Variants in SLC2A12 observed in about 807,000 individuals in gnomAD.
SLC2A12 encodes the protein solute carrier family 2, facilitated glucose transporter member 12.
Under a neutral mutation model 41.8 loss-of-function variants are expected in SLC2A12, and 23 were observed. The observed-to-expected ratio is 0.55, with a 90% confidence interval of 0.40 to 0.78. SLC2A12 has a LOEUF of 0.78. Among genes scored for constraint, SLC2A12 ranks in the 30% least tolerant of loss-of-function variants. SLC2A12 has a pLI of 0.00. For missense variants in SLC2A12, 654 were observed against 745.6 expected (o/e 0.88, Z 1.43); for synonymous variants, 295 against 285.9 (o/e 1.03, Z -0.32).
chr6:134,045,360 AG>A (rs769690663), intron 1 of SLC2A12, among the ~76,000 whole-genome samples: 15 of 152,204 alleles, frequency 9.9e-5, no homozygotes, highest in Non-Finnish European at 1.8e-4. Context: ...TAGGAAAGTA[AG>A]GTTCAGATCA....
intron 2 of SLC2A12, among the ~76,000 whole-genome samples, chr6:134,011,352 T>C (rs1776879038): frequency 6.6e-6 from 1 of 152,062 alleles, no homozygotes; most frequent in Admixed American, 6.6e-5. Context: ...CCAGGTGTGA[T>C]GGTTCACTCC....
intron 1 of SLC2A12, among the ~76,000 whole-genome samples, chr6:134,031,953 T>G (rs1385261452): frequency 6.6e-6 from 1 of 152,132 alleles, no homozygotes; most frequent in Admixed American, 6.5e-5. Flanking sequence ...AGAAGACTAG[T>G]GCCAGCAAAG....
In SLC2A12 at chr6:133,991,016, CT is replaced by C; in HGVS notation, c.*138del. On this transcript the variant is annotated 3_prime_UTR_variant, in exon 5 of 5. Transcript: ENST00000275230. ...GGGGAGGAGGGGGATTAAAGGCTGTCTTTATCATTTCAGAGTGTCTCTTCAA... is the reference window on the plus strand; with the variant it reads ...GGGGAGGAGGGGGATTAAAGGCTGTCTTATCATTTCAGAGTGTCTCTTCAA... 9.8e-7 allele frequency: 1 copy of C among 1,017,908 alleles called. No individual in the cohort carries two copies. The highest frequency in any genetic ancestry group is 1.6e-5 in the African/African-American group (1 of 61,390). The allele number at this position is 1,017,908 out of a possible 1,614,324, so 63.1% of individuals were successfully genotyped here.
Position 134,028,511 on chromosome 6 carries a change from T to C in SLC2A12, c.1314A>G (p.Leu438=). 1.9e-6 allele frequency: 3 copies of C among 1,614,228 alleles called. No individual in the cohort carries two copies. Among genetic ancestry groups the C allele is most frequent in the Non-Finnish European group, 2.5e-6 (3 of 1,180,034 alleles). ...KRGETTSASL[L]NAGLSHTEYQ... is the part of the protein sequence containing the mutation. ...ATTCAGTGTGGCTTAATCCAGCATT[T>C]AGCAAGGATGCTGAGGTCGTCTCCC... The change falls in exon 2 of 5, where the codon CTA becomes CTG. Residue 438 remains leucine (L), a synonymous_variant. Transcript: ENST00000275230.
At chr6:134,016,346 G>A (rs1045784191) in intron 2 of SLC2A12, among the ~76,000 whole-genome samples, 1 of 152,006 alleles carries the variant, frequency 6.6e-6, no homozygotes, top group Non-Finnish European at 1.5e-5. Context: ...CATCCGGGTA[G>A]CTTACTCTCT....
intron 1 of SLC2A12, among the ~76,000 whole-genome samples, chr6:134,035,996 C>T (rs1466482250): frequency 1.3e-5 from 2 of 152,322 alleles, no homozygotes; most frequent in East Asian, 1.9e-4. Context: ...GTAGCTGGCA[C>T]TCAACACGAA....
intron 1 of SLC2A12, among the ~76,000 whole-genome samples, chr6:134,033,435 G>A (rs942292608): frequency 6.6e-6 from 1 of 151,954 alleles, no homozygotes; most frequent in African/African-American, 2.4e-5. Flanking sequence ...TTCACATTTG[G>A]ATAAGAATAT....
chr6:134,012,095 A>G (rs1776894216), intron 2 of SLC2A12, among the ~76,000 whole-genome samples: 1 of 152,130 alleles, frequency 6.6e-6, no homozygotes, highest in Non-Finnish European at 1.5e-5. Flanking sequence ...AGCATCCCCA[A>G]CATTGGCAGT....
At chr6:134,007,144 G>C (rs1451975805) in intron 2 of SLC2A12, among the ~76,000 whole-genome samples, 1 of 152,244 alleles carries the variant, frequency 6.6e-6, no homozygotes, top group Non-Finnish European at 1.5e-5. Context: ...AGAAACATTA[G>C]GAGAGCTGGG....
chr6:134,040,192 C>A (rs985632413), intron 1 of SLC2A12, among the ~76,000 whole-genome samples: 2 of 151,974 alleles, frequency 1.3e-5, no homozygotes, highest in African/African-American at 2.4e-5. Flanking sequence ...GATCCTCCCA[C>A]CTCAGCCTTC....
At chr6:134,048,538 C>G (rs1319099354) in intron 1 of SLC2A12, among the ~76,000 whole-genome samples, 1 of 152,124 alleles carries the variant, frequency 6.6e-6, no homozygotes, top group Non-Finnish European at 1.5e-5. Flanking sequence ...CATCTTACTC[C>G]AGCCTAGGTG....
At chr6:134,039,099 A>G (rs569433583) in intron 1 of SLC2A12, among the ~76,000 whole-genome samples, 189 of 152,292 alleles carry the variant, frequency 1.2e-3, no homozygotes, top group African/African-American at 4.4e-3. Flanking sequence ...TTCTTTTTCC[A>G]TTCAGGAAAG....
At chr6:134,045,648 C>A (rs1370768296) in intron 1 of SLC2A12, among the ~76,000 whole-genome samples, 1 of 152,146 alleles carries the variant, frequency 6.6e-6, no homozygotes. Flanking sequence ...AGCTGTTGTT[C>A]TTAGCCTCAG....
intron 1 of SLC2A12, among the ~76,000 whole-genome samples, chr6:134,042,510 G>A (rs1777396117): frequency 1.4e-5 from 2 of 145,578 alleles, no homozygotes; most frequent in Non-Finnish European, 3.0e-5. Flanking sequence ...CAGAGAAAGA[G>A]AAAGAGAGAA....
intron 1 of SLC2A12, among the ~76,000 whole-genome samples, chr6:134,041,648 T>C (rs1777382719): frequency 6.6e-6 from 1 of 152,164 alleles, no homozygotes; most frequent in African/African-American, 2.4e-5. Context: ...AGGTTCCATC[T>C]CTGTCAAATG....
At chr6:134,015,366 C>T (rs774295661) in intron 2 of SLC2A12, among the ~76,000 whole-genome samples, 5 of 152,170 alleles carry the variant, frequency 3.3e-5, no homozygotes, top group Middle Eastern at 3.4e-3. Flanking sequence ...GGATGCTGGG[C>T]TTAATACCTA....
chr6:134,028,939 T>C lies in SLC2A12; in HGVS notation c.886A>G (p.Asn296Asp), dbSNP rs1473543104. ...VFFVQITGQP[N>D]ILFYASTVLK... ...ACAGTTGATGCATAGAACAATATGT[T>C]TGGTTGGCCAGTGATTTGTACAAAA... The change falls in exon 2 of 5, where the codon AAC becomes GAC. Residue 296 changes from asparagine (N) to aspartate (D), a missense_variant. Asn to Asp is a conservative substitution (Grantham distance 23). Coordinates refer to ENST00000275230, the MANE Select transcript of SLC2A12 (RefSeq NM_145176.3). 4 of 1,614,096 alleles carry C rather than the reference T, an allele frequency of 2.5e-6. No homozygotes were observed. Among genetic ancestry groups the C allele is most frequent in the Non-Finnish European group, 3.4e-6 (4 of 1,180,030 alleles).
In SLC2A12 at chr6:134,022,717, G is replaced by A. The variant is rs575738786; in HGVS notation, c.1444+5664C>T. ...AAACATTGATGACATGAGGAAAATG[G>A]TATTTAAGGAATACTGGTGTGAAAG... On this transcript the variant is annotated intron_variant, in intron 2 of 4. Transcript: ENST00000275230. Among the ~76,000 whole-genome samples the A allele has an allele frequency of 4.6e-5, 7 of 152,314 alleles. No individual in the cohort carries two copies. The East Asian group carries it at 1.4e-3, about 29-fold the overall frequency.
At chr6:134,042,924 G>T (rs902270759) in intron 1 of SLC2A12, among the ~76,000 whole-genome samples, 2 of 151,986 alleles carry the variant, frequency 1.3e-5, no homozygotes, top group Admixed American at 1.3e-4. Flanking sequence ...CTGTGATTCT[G>T]CCACTGCACC....
Sources: allele counts gnomAD v4.1 joint callset (sites outside exome capture counted in the v4.1 genomes callset), GRCh38; gene constraint gnomAD v4.1.1; transcripts MANE v1.5; gene names NCBI Gene and HGNC (gene_info 2026-07-23, HGNC 2026-07-21).